RAD54L2: variants seen among roughly 807,000 people sequenced by gnomAD.
RAD54L2 encodes the protein RAD54 like 2.
In RAD54L2, 27 loss-of-function variants were observed where a neutral mutation model predicts 138.4. The ratio of observed to expected loss-of-function variants is 0.20; its 90% CI spans 0.14 to 0.27. The LOEUF (loss-of-function observed/expected upper bound fraction) is 0.27. RAD54L2 is among the 10% of genes least tolerant of loss of function. The pLI is 1.00. For synonymous variants in RAD54L2, 644 were observed against 723.2 expected (o/e 0.89, Z 1.76); for missense variants, 1,396 against 1,890.2 (o/e 0.74, Z 4.85).
intron 2 of RAD54L2, among the ~76,000 whole-genome samples, chr3:51,542,257 G>T (rs543825174): frequency 6.6e-5 from 10 of 152,292 alleles, no homozygotes; most frequent in African/African-American, 2.4e-4. Context: ...AGCTTTGAGG[G>T]TGGTCAGTGC....
At chr3:51,635,986 A>G (rs1700976113) in intron 10 of RAD54L2, among the ~76,000 whole-genome samples, 197 bp downstream of exon 10, 1 of 152,208 alleles carries the variant, frequency 6.6e-6, no homozygotes, top group African/African-American at 2.4e-5. Flanking sequence ...CCAGCTGTGC[A>G]GTTATGGTTA....
At chr3:51,559,272 T>G (rs569458967) in intron 2 of RAD54L2, among the ~76,000 whole-genome samples, 70 of 152,368 alleles carry the variant, frequency 4.6e-4, no homozygotes, top group Non-Finnish European at 7.6e-4. Flanking sequence ...CTCCCCAGGT[T>G]ATACTCTCCA....
chr3:51,541,420 A>G (rs1337836179), intron 1 of RAD54L2, 169 bp from the exon 2 acceptor site: 1 of 152,234 alleles, frequency 6.6e-6, no homozygotes, highest in African/African-American at 2.4e-5. Context: ...GTACTCCTGT[A>G]GACAAACCAC....
intron 21 of RAD54L2, 54 bp from the exon 22 acceptor site, chr3:51,659,972 G>A (rs577966057): frequency 5.1e-6 from 7 of 1,383,840 alleles, no homozygotes; most frequent in East Asian, 4.9e-5. Context: ...AGTTTCCCAG[G>A]GTTGGCTGTA....
At position 51,667,183 on chromosome 3, in the gene RAD54L2, T is replaced by G. The variant is rs1577479576; in HGVS notation, c.*3763T>G. 6.6e-6 allele frequency: 1 copy of G among 151,012 alleles called. No individual in the cohort carries two copies. The highest frequency in any genetic ancestry group is 2.5e-5 in the African/African-American group (1 of 40,456). 9.4% of individuals were successfully genotyped at this position (151,012 alleles called of 1,614,324 possible). On this transcript the variant is annotated 3_prime_UTR_variant, in exon 23 of 23. Coordinates refer to ENST00000684192, the MANE Select transcript of RAD54L2 (RefSeq NM_015106.4). ...CTTCCCACTTCCTTTTTTTTTTTTT[T>G]GAGACAGAGTCTTGCTCTGTCACCC...
intron 2 of RAD54L2, among the ~76,000 whole-genome samples, chr3:51,586,195 CT>C (rs1699704177): frequency 6.6e-6 from 1 of 152,170 alleles, no homozygotes; most frequent in African/African-American, 2.4e-5. Context: ...GCCTTTCCTC[CT>C]TTTCACTTGT....
At chr3:51,634,358 A>AT (rs61565460) in intron 9 of RAD54L2, among the ~76,000 whole-genome samples, 2,847 of 94,932 alleles carry the variant, frequency 0.03, 576 homozygotes, top group African/African-American at 0.052. Flanking sequence ...CCACTGTCTG[A>AT]TTTTTTTTTT....
At chr3:51,558,431 G>A (rs952860188) in intron 2 of RAD54L2, among the ~76,000 whole-genome samples, 11 of 151,052 alleles carry the variant, frequency 7.3e-5, no homozygotes, top group Admixed American at 2.0e-4. Context: ...AAGGGACTTT[G>A]GCAAGCCTTT....
chr3:51,571,153 G>A (rs1699329661), intron 2 of RAD54L2, among the ~76,000 whole-genome samples: 1 of 152,044 alleles, frequency 6.6e-6, no homozygotes, highest in South Asian at 2.1e-4. Context: ...TAAATAAATT[G>A]TTTGCATTTC....
At chr3:51,560,785 A>G (rs376350242) in intron 2 of RAD54L2, among the ~76,000 whole-genome samples, 49 of 152,162 alleles carry the variant, frequency 3.2e-4, no homozygotes, top group African/African-American at 9.4e-4. Context: ...TTTGAATACA[A>G]TGTGCTAAAT....
At position 51,629,442 on chromosome 3, in the gene RAD54L2, T is replaced by C. The variant is rs750342849; in HGVS notation, c.450T>C (p.Pro150=). ...AGCAGAGGAAAGATTATGCAGCCCC[T>C]ATTCCTACTGTTCCGCTGGAGTTCC... ...LEQQRKDYAA[P]IPTVPLEFLP... Residue 150 remains proline (P), a synonymous_variant, in exon 5 of 23, where the codon CCT becomes CCC. Transcript: ENST00000684192. 5.0e-6 allele frequency: 8 copies of C among 1,612,456 alleles called. No individual in the cohort carries two copies. Among genetic ancestry groups the C allele is most frequent in the Non-Finnish European group, 6.8e-6 (8 of 1,179,400 alleles).
chr3:51,635,820 T>C, intron 10 of RAD54L2, 31 bp downstream of exon 10: 1 of 1,560,312 alleles, frequency 6.4e-7, no homozygotes, highest in Non-Finnish European at 8.7e-7. Context: ...ATACTCTTGT[T>C]GGTGTTTCAG....
intron 3 of RAD54L2, among the ~76,000 whole-genome samples, chr3:51,613,292 A>G (rs1381326329): frequency 6.6e-6 from 1 of 152,152 alleles, no homozygotes; most frequent in African/African-American, 2.4e-5. Context: ...AGAATCCTTC[A>G]AGTTATCAAA....
intron 3 of RAD54L2, among the ~76,000 whole-genome samples, chr3:51,603,975 G>A (rs1365119962): frequency 6.6e-6 from 1 of 152,182 alleles, no homozygotes; most frequent in African/African-American, 2.4e-5. Flanking sequence ...TGCCTGTATG[G>A]GGGATAAGGG....
At chr3:51,646,643 G>A (rs1297487381) in intron 19 of RAD54L2, among the ~76,000 whole-genome samples, 162 bp downstream of exon 19, 3 of 152,230 alleles carry the variant, frequency 2.0e-5, no homozygotes. Context: ...AGTAGCCCTG[G>A]TGTTTTAAAT....
chr3:51,636,563 C>G (rs150747870), intron 10 of RAD54L2, among the ~76,000 whole-genome samples: 1 of 152,342 alleles, frequency 6.6e-6, no homozygotes, highest in East Asian at 1.9e-4. Context: ...GGCTGGCACT[C>G]TGTAAGGTCC....
In RAD54L2 at chr3:51,606,845, C is replaced by A. The variant is rs1347007024; in HGVS notation, c.139+16286C>A. On this transcript the variant is annotated intron_variant, in intron 3 of 22. Transcript: ENST00000684192. ...TTACAGGCGCCTGCCACACACCTGGCTAATTTTTGTATTTTTAGTGGAAAC... is the reference window on the plus strand; with the variant it reads ...TTACAGGCGCCTGCCACACACCTGGATAATTTTTGTATTTTTAGTGGAAAC... 8.6e-5 allele frequency among the ~76,000 whole-genome samples: 13 copies of A among 151,700 alleles called. 1 individual carries two copies. The highest frequency in any genetic ancestry group is 3.1e-4 in the African/African-American group (13 of 41,316).
chr3:51,654,785 T>G (rs545671826), intron 19 of RAD54L2, among the ~76,000 whole-genome samples: 10 of 152,348 alleles, frequency 6.6e-5, no homozygotes, highest in East Asian at 5.8e-4. Context: ...GGCTTAGCTC[T>G]GGCCCTGTGG....
At chr3:51,548,075 G>A (rs1698745490) in intron 2 of RAD54L2, among the ~76,000 whole-genome samples, 1 of 150,422 alleles carries the variant, frequency 6.6e-6, no homozygotes, top group Admixed American at 6.7e-5. Context: ...TGTATTTTTA[G>A]TAGAGATGGG....
Sources: allele counts gnomAD v4.1 joint callset (sites outside exome capture counted in the v4.1 genomes callset), GRCh38; gene constraint gnomAD v4.1.1; transcripts MANE v1.5; gene names NCBI Gene and HGNC (gene_info 2026-07-23, HGNC 2026-07-21).